CUBN: variants seen among roughly 807,000 people sequenced by gnomAD.
CUBN encodes cubilin.
Under a neutral mutation model 405.3 loss-of-function variants are expected in CUBN, and 282 were observed. That is an observed-to-expected ratio of 0.70 (90% CI 0.63 to 0.77). The LOEUF (loss-of-function observed/expected upper bound fraction) is 0.77. CUBN is among the 30% of genes least tolerant of loss of function. CUBN has a pLI of 0.00. For synonymous variants in CUBN, 1,684 were observed against 1,617.0 expected (o/e 1.04, Z -0.99); for missense variants, 4,514 against 4,475.2 (o/e 1.01, Z -0.25).
At chr10:17,094,904 C>T (rs1339191578) in intron 14 of CUBN, among the ~76,000 whole-genome samples, 1 of 151,792 alleles carries the variant, frequency 6.6e-6, no homozygotes. Context: ...CCACAAAAGA[C>T]CCCAAATAGC....
At position 17,065,545 on chromosome 10, in the gene CUBN, G is replaced by A. The variant is rs1324836953; in HGVS notation, c.3102C>T (p.Gly1034=). The A allele has an allele frequency of 6.2e-6, 10 of 1,613,448 alleles. No homozygotes were observed. In the South Asian group the frequency reaches 9.9e-5, roughly 16 times the overall value. The change falls in exon 22 of 67, where the codon GGC becomes GGT. Residue 1034 remains glycine, a synonymous_variant. Coordinates refer to ENST00000377833, the MANE Select transcript of CUBN (RefSeq NM_001081.4). ...TGATTGCTTCATAGTTTATTAAGAAGCCTTCATAAGCGAGGTCGGAGTCAG... is the reference window on the plus strand; with the variant it reads ...TGATTGCTTCATAGTTTATTAAGAAACCTTCATAAGCGAGGTCGGAGTCAG... The part of the protein sequence containing the change: ...FVTDSDLAYE[G]FLINYEAISA...
In CUBN at chr10:16,940,077, C is replaced by T. The variant is rs911853863; in HGVS notation, c.5503G>A (p.Asp1835Asn). Residue 1835 changes from aspartate to asparagine, a missense_variant, in exon 37 of 67, where the codon GAT becomes AAT. Physicochemically the swap from Asp to Asn is conservative, Grantham distance 23. This residue lies in a region of CUBN where 1,613 missense variants were observed against 1,542.8 expected (regional missense o/e 1.05). Coordinates refer to ENST00000377833, the MANE Select transcript of CUBN (RefSeq NM_001081.4). ...AAGCCCGTGCCGCTGCCAGAACCAT[C>T]TGAGATAAATCTGACCCACAGGGTA... Reference protein sequence around the residue: ...GHTLWVRFISDGSGSGTGFQA... With the variant: ...GHTLWVRFISNGSGSGTGFQA... The T allele has an allele frequency of 2.5e-6, 4 of 1,614,000 alleles. No individual in the cohort carries two copies. Among genetic ancestry groups the T allele is most frequent in the African/African-American group, 2.7e-5 (2 of 74,928 alleles).
chr10:17,065,399 T>C (rs1835592104), intron 22 of CUBN, 109 bp downstream of exon 22: 1 of 1,377,818 alleles, frequency 7.3e-7, no homozygotes, highest in East Asian at 2.3e-5. Context: ...AATATAGCTC[T>C]CATTGTGTGC....
At chr10:16,880,790 T>C (rs1025446361) in intron 56 of CUBN, among the ~76,000 whole-genome samples, 4 of 152,366 alleles carry the variant, frequency 2.6e-5, no homozygotes, top group African/African-American at 7.2e-5. Context: ...ATTCAAGATA[T>C]ACATTTTTAA....
intron 28 of CUBN, among the ~76,000 whole-genome samples, chr10:16,993,704 C>T (rs918715891): frequency 4.6e-5 from 7 of 150,614 alleles, no homozygotes; most frequent in African/African-American, 1.5e-4. Context: ...GTTTCATCAC[C>T]ATGTTGGCCA....
chr10:17,084,437 T>C lies in CUBN; in HGVS notation c.2135A>G (p.Tyr712Cys), dbSNP rs368341016. ...SPSDLRCGGN[Y>C]TDPEGELFLP... ...GAAGAGTTCACCCTCTGGGTCCGTGTAGTTCCCACCACAACGCAGATCCGC... is the reference window on the plus strand; with the variant it reads ...GAAGAGTTCACCCTCTGGGTCCGTGCAGTTCCCACCACAACGCAGATCCGC... The change falls in exon 17 of 67, where the codon TAC becomes TGC. Residue 712 changes from tyrosine to cysteine, a missense_variant. This residue lies in a region of CUBN where 1,448 missense variants were observed against 1,388.0 expected (regional missense o/e 1.04). Transcript: ENST00000377833. 14 of 1,613,558 alleles carry C rather than the reference T, an allele frequency of 8.7e-6. No homozygotes were observed. The highest frequency in any genetic ancestry group is 1.3e-5 in the African/African-American group (1 of 74,898).
chr10:16,952,145 T>TG (rs781244604), intron 33 of CUBN, 131 bp downstream of exon 33: 84 of 705,480 alleles, frequency 1.2e-4, no homozygotes, highest in Non-Finnish European at 2.6e-5. Context: ...CATCAGGAAT[T>TG]GGGACTTGCA....
chr10:16,889,935 C>CAAAAAAAAAAAAAAA lies in CUBN; in HGVS notation c.8755+421_8755+435dup, dbSNP rs1554788544. Among the ~76,000 whole-genome samples the CAAAAAAAAAAAAAAA allele has an allele frequency of 3.5e-3, 70 of 19,896 alleles. 16 individuals are homozygous for CAAAAAAAAAAAAAAA. Among genetic ancestry groups the CAAAAAAAAAAAAAAA allele is most frequent in the African/African-American group, 0.012 (58 of 4,824 alleles). The allele number at this position is 19,896 out of a possible 152,430, so 13.1% of individuals were successfully genotyped here. ...CTGGCGACAGAGTGAGACGCCGTGT[C>CAAAAAAAAAAAAAAA]AAAAAAAAAAAAAAAAAACAGGAAA... On this transcript the variant is annotated intron_variant, in intron 55 of 66. Coordinates refer to ENST00000377833, the MANE Select transcript of CUBN (RefSeq NM_001081.4).
intron 33 of CUBN, among the ~76,000 whole-genome samples, chr10:16,951,365 G>A (rs1347506598): frequency 2.6e-5 from 4 of 152,216 alleles, no homozygotes; most frequent in African/African-American, 9.7e-5. Context: ...GAATATTTAA[G>A]CCAAACTCTT....
rs1273152933 is a variant in CUBN at position 16,928,137 on chromosome 10, A to G, written c.6271+20T>C. 20 of 1,611,896 alleles carry G rather than the reference A, an allele frequency of 1.2e-5. 1 individual carries two copies. The Admixed American group carries it at 2.7e-4, about 22-fold the overall frequency. ...AGGAGATGAGATAACATGGGATTAA[A>G]AAATATTTGAACTCATTACTCTTGT... is the stretch of plus-strand genomic sequence containing the variant. On this transcript the variant is annotated intron_variant, in intron 41 of 66. Transcript: ENST00000377833.
chr10:17,033,162 ATGTGCCCACCCTGCTC>A (rs1834820651), intron 27 of CUBN, among the ~76,000 whole-genome samples: 1 of 152,050 alleles, frequency 6.6e-6, no homozygotes, highest in African/African-American at 2.4e-5. Context: ...GAAACTCTTA[ATGTGCCCACCCTGCTC>A]TGCAGGCCAG....
intron 31 of CUBN, among the ~76,000 whole-genome samples, chr10:16,973,751 C>G (rs1371266148): frequency 1.3e-5 from 2 of 152,166 alleles, no homozygotes; most frequent in Non-Finnish European, 2.9e-5. Context: ...ATTTAGTTTT[C>G]TGTTCCTGTG....
rs934886885 is a variant in CUBN, at chr10:17,043,754, T to C, written c.3829+73A>G. The stretch of plus-strand genomic sequence containing the variant: ...GTATACATACTTACTCTGCCAGTAT[T>C]CACACTTACTCTGCTGGTATTCACA... On this transcript the variant is annotated intron_variant, in intron 26 of 66. Coordinates refer to ENST00000377833, the MANE Select transcript of CUBN (RefSeq NM_001081.4). The C allele has an allele frequency of 5.0e-6, 8 of 1,594,466 alleles. No individual in the cohort carries two copies. The Admixed American group carries it at 1.2e-4, about 23-fold the overall frequency.
rs995296243 is a variant in CUBN, at chr10:17,116,920, TGA to T, written c.594-1325_594-1324del. Among the ~76,000 whole-genome samples the T allele has an allele frequency of 1.2e-4, 18 of 152,150 alleles. 1 individual carries two copies. The highest frequency in any genetic ancestry group is 3.4e-3 in the Middle Eastern group (1 of 294). On this transcript the variant is annotated intron_variant, in intron 6 of 66. Coordinates refer to ENST00000377833, the MANE Select transcript of CUBN (RefSeq NM_001081.4). ...AAAATACAGCATGCCCAAATAAATG[TGA>T]GTTTCCAATAAATGAATATTTTTTG... is the stretch of plus-strand genomic sequence containing the variant.
intron 25 of CUBN, 131 bp downstream of exon 25, chr10:17,044,874 ATT>A (rs1835090072): frequency 2.1e-6 from 2 of 940,354 alleles, no homozygotes; most frequent in South Asian, 2.8e-5. Context: ...TTATGTTTTT[ATT>A]TTGTTTGAAT....
chr10:16,896,104 A>C (rs1841176215), intron 54 of CUBN, among the ~76,000 whole-genome samples: 1 of 152,178 alleles, frequency 6.6e-6, no homozygotes. Context: ...CCACTTGTGG[A>C]AATGTGATTT....
intron 28 of CUBN, among the ~76,000 whole-genome samples, chr10:16,997,173 T>C (rs7087781): frequency 0.092 from 13,984 of 152,236 alleles, 789 homozygotes; most frequent in African/African-American, 0.16. Flanking sequence ...CAGTGGCTCA[T>C]GCCTGTAATC....
intron 31 of CUBN, among the ~76,000 whole-genome samples, chr10:16,954,796 G>A (rs543895536): frequency 3.1e-4 from 47 of 152,126 alleles, no homozygotes; most frequent in Non-Finnish European, 3.1e-4. Flanking sequence ...CTTCATAAAT[G>A]CCGTCCCTTC....
Position 16,920,072 on chromosome 10 carries a change from G to A in CUBN, c.6712C>T (p.Pro2238Ser). 1 of 1,614,008 alleles carries A rather than the reference G, an allele frequency of 6.2e-7. No individual in the cohort carries two copies. The highest frequency in any genetic ancestry group is 8.5e-7 in the Non-Finnish European group (1 of 1,179,980). ...TCAGCGTGCGGGGGATAATTATGAG[G>A]GTGGTTGGGGGAGGTCACATACCCA... ...SAGYVTSPNH[P>S]HNYPPHADCI... Residue 2238 changes from proline to serine, a missense_variant, in exon 44 of 67, where the codon CCT becomes TCT. Coordinates refer to ENST00000377833, the MANE Select transcript of CUBN (RefSeq NM_001081.4).
Sources: allele counts gnomAD v4.1 joint callset (sites outside exome capture counted in the v4.1 genomes callset), GRCh38; gene constraint gnomAD v4.1.1; regional missense constraint gnomAD v4.1.1; transcripts MANE v1.5; gene names NCBI Gene and HGNC (gene_info 2026-07-23, HGNC 2026-07-21).